Variants in ABCA6 observed in about 807,000 individuals in gnomAD.
The protein encoded by ABCA6 is ATP-binding cassette sub-family A member 6.
A neutral mutation model predicts 191.2 loss-of-function variants in ABCA6; 164 were observed. That is an observed-to-expected ratio of 0.86 (90% CI 0.76 to 0.98). ABCA6 has a LOEUF of 0.98. ABCA6 is among the 50% of genes least tolerant of loss of function. ABCA6 has a pLI of 0.00. For synonymous variants in ABCA6, 636 were observed against 647.7 expected (o/e 0.98, Z 0.27); for missense variants, 1,958 against 1,894.1 (o/e 1.03, Z -0.63).
At position 69,084,181 on chromosome 17, in the gene ABCA6, G is replaced by A. The variant is rs557361065; in HGVS notation, c.4355+80C>T. 4.5e-6 allele frequency: 6 copies of A among 1,324,466 alleles called. No homozygotes were observed. The East Asian group carries it at 1.2e-4, about 26-fold the overall frequency. The allele number at this position is 1,324,466 out of a possible 1,614,324, so 82.0% of individuals were successfully genotyped here. A position where few individuals can be genotyped will look rare whatever the true frequency, so the allele number is the denominator to read the frequency against. ...GAATCAGGAACTAGTGGGTTTGAGG[G>A]CTGATTTTCCAAGACCAGTTAAAAT... On this transcript the variant is annotated intron_variant, in intron 34 of 38. Coordinates refer to ENST00000284425, the MANE Select transcript of ABCA6 (RefSeq NM_080284.3).
chr17:69,079,695 G>A, intron 37 of ABCA6, among the ~76,000 whole-genome samples: 1 of 152,168 alleles, frequency 6.6e-6, no homozygotes, highest in East Asian at 1.9e-4. Context: ...GTTGTCACCA[G>A]ATTCACATAT....
At chr17:69,128,527 A>G (rs2073797218) in intron 8 of ABCA6, 92 bp downstream of exon 8, 2 of 883,202 alleles carry the variant, frequency 2.3e-6, no homozygotes, top group Non-Finnish European at 3.2e-6. Flanking sequence ...TTAGAATAAA[A>G]GCTCTTAGTT....
At chr17:69,100,478 C>T (rs576158110) in intron 22 of ABCA6, among the ~76,000 whole-genome samples, 1 of 152,276 alleles carries the variant, frequency 6.6e-6, no homozygotes, top group Non-Finnish European at 1.5e-5. Flanking sequence ...GTTACAAGTT[C>T]TCCTGATTTC....
At chr17:69,114,495 C>T (rs184382677) in intron 13 of ABCA6, among the ~76,000 whole-genome samples, 4 of 152,166 alleles carry the variant, frequency 2.6e-5, no homozygotes, top group East Asian at 1.9e-4. Flanking sequence ...AGCACACCAA[C>T]ATGGCACATG....
chr17:69,081,020 A>T, intron 37 of ABCA6, 46 bp downstream of exon 37: 1 of 1,150,138 alleles, frequency 8.7e-7, no homozygotes, highest in Non-Finnish European at 1.3e-6. Context: ...TTATTTTAGT[A>T]TTAGTTGATT....
At chr17:69,122,139 C>A (rs984339509) in intron 10 of ABCA6, among the ~76,000 whole-genome samples, 2 of 151,998 alleles carry the variant, frequency 1.3e-5, no homozygotes, top group Non-Finnish European at 2.9e-5. Flanking sequence ...TCCCCACTTG[C>A]GAGTTGTGTG....
intron 13 of ABCA6, among the ~76,000 whole-genome samples, 179 bp from the exon 14 acceptor site, chr17:69,113,916 A>G (rs2073483764): frequency 6.6e-6 from 1 of 152,114 alleles, no homozygotes; most frequent in African/African-American, 2.4e-5. Context: ...AGGAAACAAC[A>G]GGTGCTGGAG....
At chr17:69,119,454 T>C (rs2073597940) in intron 10 of ABCA6, among the ~76,000 whole-genome samples, 2 of 152,182 alleles carry the variant, frequency 1.3e-5, no homozygotes, top group South Asian at 4.1e-4. Flanking sequence ...TTCCTTTCCC[T>C]ACTTTCAGTT....
At chr17:69,120,374 G>A (rs560923579) in intron 10 of ABCA6, among the ~76,000 whole-genome samples, 1 of 151,838 alleles carries the variant, frequency 6.6e-6, no homozygotes, top group East Asian at 1.9e-4. Context: ...CGTTCTCTTC[G>A]ATTTCCCTAA....
Position 69,113,700 on chromosome 17 carries a change from A to C in ABCA6, c.1820T>G (p.Ile607Ser), listed in dbSNP as rs1268913445. Residue 607 changes from isoleucine (I) to serine (S), a missense_variant, in exon 14 of 39, where the codon ATT becomes AGT. Coordinates refer to ENST00000284425, the MANE Select transcript of ABCA6 (RefSeq NM_080284.3). ...RILLELDMQN[I>S]QDNLAKHLSE... ...TAAATGTTTAGCAAGGTTATCTTGA[A>C]TGTTTTGCATGTCCAATTCCAATAA... The C allele has an allele frequency of 1.7e-5, 27 of 1,612,608 alleles. No individual in the cohort carries two copies. Among genetic ancestry groups the C allele is most frequent in the Non-Finnish European group, 2.1e-5 (25 of 1,179,186 alleles).
At chr17:69,092,702 G>T (rs2072953418) in intron 25 of ABCA6, among the ~76,000 whole-genome samples, 1 of 152,148 alleles carries the variant, frequency 6.6e-6, no homozygotes, top group Non-Finnish European at 1.5e-5. Context: ...ACTCAATGAT[G>T]GAGAAACATT....
chr17:69,114,693 G>T, intron 13 of ABCA6, 69 bp downstream of exon 13: 1 of 1,407,094 alleles, frequency 7.1e-7, no homozygotes, highest in Admixed American at 2.4e-5. Flanking sequence ...TCATTGAAGA[G>T]AATTCTGTGG....
intron 28 of ABCA6, chr17:69,087,683 T>C: frequency 1.7e-6 from 1 of 604,658 alleles, no homozygotes; most frequent in Non-Finnish European, 2.8e-6. Flanking sequence ...ATTCTTCTGG[T>C]AAGAATCTTT....
At chr17:69,099,764 C>T (rs530242913) in intron 22 of ABCA6, 51 of 153,942 alleles carry the variant, frequency 3.3e-4, no homozygotes, top group African/African-American at 1.2e-3. Flanking sequence ...GTCGGTCATA[C>T]TCAACTCACG....
In ABCA6 at chr17:69,082,924, A is replaced by G; in HGVS notation, c.4565T>C (p.Leu1522Ser). The change falls in exon 36 of 39, where the codon TTG becomes TCG. Residue 1522 changes from leucine to serine, a missense_variant. Leu to Ser is a moderately radical substitution (Grantham distance 145). Coordinates refer to ENST00000284425, the MANE Select transcript of ABCA6 (RefSeq NM_080284.3). ...AAGCTTCAGAATCTCAGTGTGGACCAAAGTCACTTGAGACGTTTCCTTCAC... is the reference window on the plus strand; with the variant it reads ...AAGCTTCAGAATCTCAGTGTGGACCGAAGTCACTTGAGACGTTTCCTTCAC... ...LKVKETSQVT[L>S]VHTEILKLFP... The G allele has an allele frequency of 1.2e-6, 2 of 1,614,250 alleles. No individual in the cohort carries two copies. Among genetic ancestry groups the G allele is most frequent in the African/African-American group, 2.7e-5 (2 of 75,064 alleles).
At chr17:69,101,124 A>C (rs1215103780) in intron 21 of ABCA6, among the ~76,000 whole-genome samples, 190 bp from the exon 22 acceptor site, 1 of 152,210 alleles carries the variant, frequency 6.6e-6, no homozygotes, top group Non-Finnish European at 1.5e-5. Flanking sequence ...TAGGGCTTAA[A>C]TGACACTCTA....
chr17:69,084,209 G>A, intron 34 of ABCA6, 52 bp downstream of exon 34: 1 of 1,549,214 alleles, frequency 6.5e-7, no homozygotes, highest in Non-Finnish European at 8.9e-7. Context: ...GTTAAAATAT[G>A]CAACCTTCCC....
intron 38 of ABCA6, 59 bp downstream of exon 38, chr17:69,079,149 AAT>A (rs1247844042): frequency 6.3e-7 from 1 of 1,586,192 alleles, no homozygotes; most frequent in African/African-American, 1.3e-5. Flanking sequence ...TGAACAGGAA[AAT>A]GCATGTTGCT....
chr17:69,113,592 C>G, intron 14 of ABCA6, 26 bp downstream of exon 14: 1 of 1,612,570 alleles, frequency 6.2e-7, no homozygotes, highest in Non-Finnish European at 8.5e-7. Flanking sequence ...CGACCTGCTT[C>G]CTTCCCCATG....
Sources: allele counts gnomAD v4.1 joint callset (sites outside exome capture counted in the v4.1 genomes callset), GRCh38; gene constraint gnomAD v4.1.1; transcripts MANE v1.5; gene names NCBI Gene and HGNC (gene_info 2026-07-23, HGNC 2026-07-21).